The following BBOF1 variants were observed in gnomAD, a reference collection of about 807,000 sequenced individuals.
BBOF1 encodes the protein basal body orientation factor 1, also known as basal body-orientation factor 1.
Under a neutral mutation model 68.0 loss-of-function variants are expected in BBOF1, and 62 were observed. The ratio of observed to expected loss-of-function variants is 0.91; its 90% CI spans 0.74 to 1.13. The LOEUF (loss-of-function observed/expected upper bound fraction) is 1.13. Ranked by LOEUF, BBOF1 falls within the 50% of genes most tolerant of loss-of-function variation. The pLI, the probability that BBOF1 is intolerant of heterozygous loss-of-function variation, is 0.00. For synonymous variants in BBOF1, 208 were observed against 198.8 expected (o/e 1.05, Z -0.39); for missense variants, 534 against 600.1 (o/e 0.89, Z 1.15).
At chr14:74,022,353 G>T (rs1469465882) in intron 1 of BBOF1, among the ~76,000 whole-genome samples, 1 of 152,166 alleles carries the variant, frequency 6.6e-6, no homozygotes, top group Non-Finnish European at 1.5e-5. Flanking sequence ...TTCAAGACCA[G>T]CCTGGGCAAC....
intron 10 of BBOF1, among the ~76,000 whole-genome samples, chr14:74,080,164 G>T (rs1384754842): frequency 6.6e-6 from 1 of 152,136 alleles, no homozygotes; most frequent in Non-Finnish European, 1.5e-5. Flanking sequence ...TGCCAAAGGA[G>T]AAACCCAGAT....
chr14:74,072,564 A>T (rs1299421191), intron 9 of BBOF1: 1 of 1,614,132 alleles, frequency 6.2e-7, no homozygotes, highest in South Asian at 1.1e-5. Flanking sequence ...TCCATTTGTC[A>T]CTTTTGGATT....
chr14:74,019,598 T>C (rs2059203927), intron 1 of BBOF1, 64 bp downstream of exon 1: 19 of 1,542,588 alleles, frequency 1.2e-5, no homozygotes, highest in Admixed American at 7.9e-5. Context: ...GGTCTGGGGC[T>C]GGCAACCTGG....
At chr14:74,071,361 A>G in intron 9 of BBOF1, 1 of 1,614,208 alleles carries the variant, frequency 6.2e-7, no homozygotes, top group South Asian at 1.1e-5. Context: ...GGATCATGGC[A>G]GGAAAATTGA....
chr14:74,073,435 C>G (rs758471213), intron 9 of BBOF1, among the ~76,000 whole-genome samples: 63 of 152,248 alleles, frequency 4.1e-4, no homozygotes, highest in Admixed American at 1.1e-3. Flanking sequence ...GGCACAGCCT[C>G]TCAATACTGT....
chr14:74,019,975 A>G (rs1396914921), intron 1 of BBOF1, among the ~76,000 whole-genome samples: 1 of 152,238 alleles, frequency 6.6e-6, no homozygotes, highest in Non-Finnish European at 1.5e-5. Context: ...GTGTCCAGCA[A>G]CAACACCATA....
At chr14:74,028,467 T>TACACACACACACACAC (rs34677110) in intron 2 of BBOF1, among the ~76,000 whole-genome samples, 3 of 138,202 alleles carry the variant, frequency 2.2e-5, no homozygotes, top group African/African-American at 5.4e-5. Flanking sequence ...ACTAAAGAAA[T>TACACACACACACACAC]ACACACACAC....
At chr14:74,067,585 G>C (rs749592826), downstream of BBOF1, 1 of 1,613,398 alleles carries the variant, frequency 6.2e-7, no homozygotes, top group Admixed American at 1.7e-5. Flanking sequence ...AAAAAATGCA[G>C]AAAGCACATG....
chr14:74,060,777 A>G (rs767630020), intron 11 of BBOF1: 21 of 1,467,482 alleles, frequency 1.4e-5, no homozygotes, highest in South Asian at 6.8e-5. Flanking sequence ...GTTAGCATAT[A>G]TTTCTGGGGT....
At chr14:74,032,160 C>T (rs1210974076) in intron 3 of BBOF1, among the ~76,000 whole-genome samples, 3 of 125,920 alleles carry the variant, frequency 2.4e-5, no homozygotes, top group East Asian at 2.7e-4. Flanking sequence ...GAGTCTCGCT[C>T]TTGTCTCCCA....
At chr14:74,059,084 C>CAA (rs35760969) in intron 11 of BBOF1, 278 of 48,404 alleles carry the variant, frequency 5.7e-3, no homozygotes, top group African/African-American at 6.1e-3. Context: ...AACTCCATCT[C>CAA]AAAAAAAAAA....
rs1469459272 is a variant in BBOF1, at chr14:74,049,740, A to G, written c.831A>G (p.Gln277=). The part of the protein sequence containing the change: ...NDLLVKEKIM[Q]LVQQRSQIQT... ...TGTTGGTTAAGGAAAAGATTATGCA[A>G]CTTGTCCAGCAGAGATCACAAATCC... The change falls in exon 8 of 12, where the codon CAA becomes CAG. Residue 277 remains glutamine, a synonymous_variant. Transcript: ENST00000394009. 6 of 1,611,854 alleles carry G rather than the reference A, an allele frequency of 3.7e-6. No homozygotes were observed. In the East Asian group the frequency reaches 6.7e-5, roughly 18 times the overall value.
At chr14:74,036,959 TTTTTTTC>T (rs1301794376) in intron 4 of BBOF1, among the ~76,000 whole-genome samples, 7 of 143,904 alleles carry the variant, frequency 4.9e-5, no homozygotes, top group Non-Finnish European at 4.4e-5. Flanking sequence ...ATTATCTTTT[TTTTTTTC>T]TTTTTTCTTT....
downstream of BBOF1, chr14:74,067,531 A>G (rs2060486517): frequency 1.9e-6 from 3 of 1,614,110 alleles, no homozygotes; most frequent in South Asian, 3.3e-5. Context: ...TATTTTCCTT[A>G]TTGGCATCTG....
At chr14:74,041,282 G>A (rs12883970) in intron 5 of BBOF1, among the ~76,000 whole-genome samples, 16,969 of 152,036 alleles carry the variant, frequency 0.11, 1,244 homozygotes, top group Admixed American at 0.19. Flanking sequence ...CATCCTGGGT[G>A]GTAGAGCAAG....
chr14:74,061,320 G>T (rs10140252), intron 11 of BBOF1, among the ~76,000 whole-genome samples: 24,925 of 132,528 alleles, frequency 0.19, 2,679 homozygotes, highest in African/African-American at 0.33. Flanking sequence ...TATTTATTTT[G>T]AGACAGAGTC....
Position 74,019,378 on chromosome 14 carries a change from G to A in BBOF1, c.-101G>A, listed in dbSNP as rs1441549024. ...TCCGCGCGCCGTCAGCGGCGCGGGT[G>A]GGGCATTGCCAGCTCGGCGTCCCGG... On this transcript the variant is annotated 5_prime_UTR_variant, in exon 1 of 12. Coordinates refer to ENST00000394009, the MANE Select transcript of BBOF1 (RefSeq NM_025057.3). 7.0e-6 allele frequency: 10 copies of A among 1,428,322 alleles called. No individual in the cohort carries two copies. In the Admixed American group the frequency reaches 1.3e-4, roughly 19 times the overall value. The allele number at this position is 1,428,322 out of a possible 1,614,324, so 88.5% of individuals were successfully genotyped here. A position where few individuals can be genotyped will look rare whatever the true frequency, so the allele number is the denominator to read the frequency against.
intron 10 of BBOF1, among the ~76,000 whole-genome samples, chr14:74,078,809 G>A (rs921984487): frequency 1.3e-5 from 2 of 151,702 alleles, no homozygotes; most frequent in Admixed American, 6.6e-5. Flanking sequence ...GATTACAGGT[G>A]TGAGCCACTG....
intron 4 of BBOF1, 137 bp downstream of exon 4, chr14:74,034,308 G>A (rs914324513): frequency 3.4e-6 from 2 of 583,178 alleles, no homozygotes; most frequent in African/African-American, 3.9e-5. Flanking sequence ...GAGAGAAAAA[G>A]GAGAAGACAG....
Sources: gnomAD v4.1 joint callset for allele counts (sites outside exome capture counted in the v4.1 genomes callset) on GRCh38, gnomAD v4.1.1 for gene constraint, MANE v1.5 for transcripts, NCBI Gene and HGNC (gene_info 2026-07-23, HGNC 2026-07-21) for gene names.